Variants in CNTNAP4 observed in about 807,000 individuals in gnomAD.
CNTNAP4 encodes contactin-associated protein-like 4.
A neutral mutation model predicts 148.4 loss-of-function variants in CNTNAP4; 98 were observed. The ratio of observed to expected loss-of-function variants is 0.66; its 90% confidence interval spans 0.56 to 0.78. The LOEUF (loss-of-function observed/expected upper bound fraction) is 0.78, where lower values mean the gene tolerates loss of function less well. Among genes scored for constraint, CNTNAP4 ranks in the 30% least tolerant of loss-of-function variants. The pLI, the probability that CNTNAP4 is intolerant of heterozygous loss-of-function variation, is 0.00. For missense variants in CNTNAP4, 1,935 were observed against 1,565.6 expected, an observed-to-expected ratio of 1.24 and a Z score of -3.98; for synonymous variants, 730 against 565.1, an observed-to-expected ratio of 1.29 and a Z score of -4.14.
chr16:76,494,258 G>T (rs1358440495), intron 13 of CNTNAP4, among the ~76,000 whole-genome samples: 2 of 151,978 alleles, frequency 1.3e-5, no homozygotes, highest in Admixed American at 1.3e-4. Flanking sequence ...TTTGGCTGAG[G>T]GAAACTTCCA....
chr16:76,371,227 T>C (rs1314551771), intron 3 of CNTNAP4, among the ~76,000 whole-genome samples: 1 of 152,114 alleles, frequency 6.6e-6, no homozygotes. Context: ...AGCTCCAGAG[T>C]TCACTGAGGA....
chr16:76,373,855 A>G (rs1025106653), intron 3 of CNTNAP4, among the ~76,000 whole-genome samples: 2 of 146,558 alleles, frequency 1.4e-5, no homozygotes, highest in Non-Finnish European at 3.0e-5. Flanking sequence ...AGATCACGCC[A>G]TTGCACTCCA....
chr16:76,295,265 A>G (rs1029935408), intron 1 of CNTNAP4, among the ~76,000 whole-genome samples: 1 of 152,206 alleles, frequency 6.6e-6, no homozygotes, highest in South Asian at 2.1e-4. Flanking sequence ...CCACAAAAGC[A>G]TGGAGTCTTT....
intron 23 of CNTNAP4, 147 bp from the exon 24 acceptor site, chr16:76,558,343 A>G: frequency 1.8e-6 from 1 of 545,808 alleles, no homozygotes; most frequent in Non-Finnish European, 3.2e-6. Flanking sequence ...CTTGAGCCAG[A>G]AATACCTGAA....
intron 12 of CNTNAP4, among the ~76,000 whole-genome samples, chr16:76,481,328 A>C (rs939457257): frequency 6.6e-6 from 1 of 152,238 alleles, no homozygotes; most frequent in African/African-American, 2.4e-5. Context: ...ATTAATTACA[A>C]AACAAAATGA....
At chr16:76,540,850 C>A in intron 21 of CNTNAP4, 60 bp downstream of exon 21, 1 of 1,203,562 alleles carries the variant, frequency 8.3e-7, no homozygotes, top group South Asian at 1.3e-5. Flanking sequence ...AAGCATGGAT[C>A]AGAAAAGTCA....
At chr16:76,369,068 A>T (rs865929590) in intron 3 of CNTNAP4, among the ~76,000 whole-genome samples, 2 of 151,754 alleles carry the variant, frequency 1.3e-5, no homozygotes, top group African/African-American at 2.4e-5. Flanking sequence ...AAGAGCCATT[A>T]TATAAACAGG....
chr16:76,339,398 TTAATC>T lies in CNTNAP4; in HGVS notation c.197-15916_197-15912del, dbSNP rs540988834. ...GTTGAAAAATATAAACTTTAAACAC[TTAATC>T]TAAACACCACATTAATTTAAATTTT... On this transcript the variant is annotated intron_variant, in intron 2 of 23. Coordinates refer to ENST00000611870, the MANE Select transcript of CNTNAP4 (RefSeq NM_033401.5). 1.3e-4 allele frequency among the ~76,000 whole-genome samples: 20 copies of T among 152,274 alleles called. No individual in the cohort carries two copies. In the East Asian group the frequency reaches 3.5e-3, roughly 26 times the overall value.
intron 14 of CNTNAP4, among the ~76,000 whole-genome samples, chr16:76,497,085 G>T (rs561103539): frequency 2.0e-5 from 3 of 152,276 alleles, no homozygotes; most frequent in South Asian, 2.1e-4. Flanking sequence ...TGAAAACTCA[G>T]ATCTTCAGGA....
At chr16:76,547,041 G>A (rs1382524207) in intron 21 of CNTNAP4, among the ~76,000 whole-genome samples, 3 of 152,156 alleles carry the variant, frequency 2.0e-5, no homozygotes, top group Non-Finnish European at 4.4e-5. Flanking sequence ...GGTCTTCCCT[G>A]TGAAAAGGCA....
chr16:76,533,678 A>AG (rs1347654451), intron 17 of CNTNAP4, among the ~76,000 whole-genome samples: 1 of 45,556 alleles, frequency 2.2e-5, no homozygotes, highest in East Asian at 7.5e-4. Flanking sequence ...TAAAAATCTT[A>AG]AAAAAAAAAT....
At chr16:76,551,573 A>G (rs1033947080) in intron 21 of CNTNAP4, among the ~76,000 whole-genome samples, 1 of 152,180 alleles carries the variant, frequency 6.6e-6, no homozygotes, top group Admixed American at 6.5e-5. Flanking sequence ...AAAGAAGCTC[A>G]TAATTTGGAA....
intron 10 of CNTNAP4, among the ~76,000 whole-genome samples, chr16:76,471,390 C>T (rs1005894057): frequency 2.0e-5 from 3 of 152,178 alleles, no homozygotes; most frequent in Admixed American, 6.5e-5. Flanking sequence ...TATCAAAGCA[C>T]ACTGGGGCTG....
At chr16:76,489,227 AT>A (rs1351457311) in intron 12 of CNTNAP4, among the ~76,000 whole-genome samples, 1 of 152,100 alleles carries the variant, frequency 6.6e-6, no homozygotes, top group East Asian at 1.9e-4. Flanking sequence ...TCTAATATAC[AT>A]TTTTTTAAAT....
chr16:76,460,870 C>T (rs1214169417), intron 8 of CNTNAP4, among the ~76,000 whole-genome samples: 2 of 145,218 alleles, frequency 1.4e-5, no homozygotes, highest in East Asian at 2.0e-4. Context: ...AGTCTGTGAA[C>T]ACTGAATTAG....
chr16:76,352,452 A>G (rs1378620408), intron 2 of CNTNAP4, among the ~76,000 whole-genome samples: 2 of 152,128 alleles, frequency 1.3e-5, no homozygotes, highest in East Asian at 1.9e-4. Flanking sequence ...TTCTACATCC[A>G]CTGGGAACCA....
At chr16:76,520,451 C>T (rs992095342) in intron 15 of CNTNAP4, among the ~76,000 whole-genome samples, 1 of 152,108 alleles carries the variant, frequency 6.6e-6, no homozygotes, top group African/African-American at 2.4e-5. Context: ...TCAACATTTT[C>T]TGCCCATTTT....
rs143922133 is a variant in CNTNAP4, at chr16:76,485,272, C to T, written c.1883-4414C>T. On this transcript the variant is annotated intron_variant, in intron 12 of 23. Coordinates refer to ENST00000611870, the MANE Select transcript of CNTNAP4 (RefSeq NM_033401.5). ...AGCTGGGATTGCAGGCATGCACCAC[C>T]ACGCCCAGCCAATTTTGTATTTTTC... 2.2e-3 allele frequency among the ~76,000 whole-genome samples: 340 copies of T among 151,830 alleles called. 1 individual carries two copies. The highest frequency in any genetic ancestry group is 7.9e-3 in the African/African-American group (325 of 41,388).
At chr16:76,521,985 C>G in intron 16 of CNTNAP4, 54 bp from the exon 17 acceptor site, 1 of 1,507,894 alleles carries the variant, frequency 6.6e-7, no homozygotes, top group Non-Finnish European at 9.2e-7. Flanking sequence ...ATTGGAGACT[C>G]GGCACTTCGC....
Sources: gnomAD v4.1 joint callset for allele counts (sites outside exome capture counted in the v4.1 genomes callset) on GRCh38, gnomAD v4.1.1 for gene constraint, MANE v1.5 for transcripts, NCBI Gene and HGNC (gene_info 2026-07-23, HGNC 2026-07-21) for gene names.